Variants in SLC35F3 observed in about 807,000 individuals in gnomAD.
The protein encoded by SLC35F3 is solute carrier family 35 member F3.
SLC35F3 carries 25 observed loss-of-function variants against 49.9 expected under a neutral mutation model. The ratio of observed to expected loss-of-function variants is 0.50; its 90% CI spans 0.37 to 0.70. SLC35F3 has a LOEUF of 0.70. SLC35F3 is among the 30% of genes least tolerant of loss of function. The pLI is 0.00. For synonymous variants in SLC35F3, 275 were observed against 265.4 expected, an observed-to-expected ratio of 1.04 and a Z score of -0.35; for missense variants, 525 against 639.8, an observed-to-expected ratio of 0.82 and a Z score of 1.94.
rs535673445 is a variant in SLC35F3 at position 234,077,777 on chromosome 1, G to A, written c.284-153640G>A. Among the ~76,000 whole-genome samples, 145 of 150,648 alleles carry A rather than the reference G, an allele frequency of 9.6e-4. 1 individual carries two copies. The Middle Eastern group carries it at 0.045, about 47-fold the overall frequency. ...AAAATCTCACAGCACAGTGAACAGC[G>A]ACCCCTCTCAATTCACACAGTCTGC... On this transcript the variant is annotated intron_variant, in intron 2 of 7. Transcript: ENST00000366618.
intron 2 of SLC35F3, among the ~76,000 whole-genome samples, chr1:233,941,217 C>G (rs1662415319): frequency 6.6e-6 from 1 of 152,166 alleles, no homozygotes; most frequent in Admixed American, 6.6e-5. Context: ...CTCAGTCATT[C>G]TACTGGTATT....
chr1:234,313,584 T>A (rs1657411932), intron 4 of SLC35F3, among the ~76,000 whole-genome samples: 1 of 152,118 alleles, frequency 6.6e-6, no homozygotes, highest in Non-Finnish European at 1.5e-5. Flanking sequence ...GTTTCAGGAT[T>A]GTTCCGTGGG....
chr1:233,956,081 T>A (rs949898159), intron 2 of SLC35F3, among the ~76,000 whole-genome samples: 30 of 151,824 alleles, frequency 2.0e-4, no homozygotes, highest in Non-Finnish European at 2.9e-4. Context: ...GAAGACAGGG[T>A]TTCACCATGT....
At chr1:234,312,490 G>T (rs1440292734) in intron 4 of SLC35F3, among the ~76,000 whole-genome samples, 1 of 152,168 alleles carries the variant, frequency 6.6e-6, no homozygotes, top group Non-Finnish European at 1.5e-5. Context: ...ACAGTATCTG[G>T]TATCTGGTCC....
At chr1:234,032,966 G>A (rs1045700034) in intron 2 of SLC35F3, among the ~76,000 whole-genome samples, 1 of 151,880 alleles carries the variant, frequency 6.6e-6, no homozygotes, top group African/African-American at 2.4e-5. Context: ...AGTTATACTA[G>A]TTTATATTCC....
intron 2 of SLC35F3, among the ~76,000 whole-genome samples, chr1:234,059,941 C>T (rs1383596016): frequency 6.6e-6 from 1 of 152,202 alleles, no homozygotes; most frequent in African/African-American, 2.4e-5. Context: ...AAGGGTGGGT[C>T]TGCCTTCCCC....
chr1:233,922,348 A>T (rs1300178703), intron 2 of SLC35F3, among the ~76,000 whole-genome samples: 1 of 152,066 alleles, frequency 6.6e-6, no homozygotes, highest in Non-Finnish European at 1.5e-5. Flanking sequence ...CTGGTGTGAG[A>T]TGGTATCTCA....
intron 2 of SLC35F3, among the ~76,000 whole-genome samples, chr1:234,080,431 T>C (rs12736183): frequency 0.3 from 46,262 of 152,074 alleles, 7,223 homozygotes; most frequent in African/African-American, 0.33. Context: ...AAAACATGCA[T>C]ATGAATGTTC....
At chr1:234,207,417 TCTC>T (rs1558260474) in intron 2 of SLC35F3, among the ~76,000 whole-genome samples, 2 of 3,558 alleles carry the variant, frequency 5.6e-4, no homozygotes, top group African/African-American at 8.9e-4. Flanking sequence ...CTCCTTCCTT[TCTC>T]CCTCCCTCTT....
intron 3 of SLC35F3, among the ~76,000 whole-genome samples, chr1:234,281,081 TCC>T (rs111906874): frequency 2.0e-5 from 3 of 148,384 alleles, no homozygotes; most frequent in Non-Finnish European, 4.5e-5. Flanking sequence ...CTAAATTGTG[TCC>T]CCCCCCCATG....
intron 3 of SLC35F3, among the ~76,000 whole-genome samples, chr1:234,305,802 A>G (rs1311092626): frequency 6.6e-6 from 1 of 152,222 alleles, no homozygotes; most frequent in Non-Finnish European, 1.5e-5. Flanking sequence ...TAAACCGTGT[A>G]ATTGAAATAC....
chr1:234,234,357 C>T (rs1016040100), intron 3 of SLC35F3, among the ~76,000 whole-genome samples: 2 of 152,146 alleles, frequency 1.3e-5, no homozygotes, highest in Non-Finnish European at 1.5e-5. Context: ...TGAGCCGCTT[C>T]CCCAGGGTGA....
intron 2 of SLC35F3, among the ~76,000 whole-genome samples, chr1:234,129,491 C>T (rs1226189427): frequency 6.6e-6 from 1 of 152,144 alleles, no homozygotes; most frequent in Non-Finnish European, 1.5e-5. Flanking sequence ...GTTTGGAAGA[C>T]TCAACATTTA....
At chr1:234,188,545 C>T (rs1199232765) in intron 2 of SLC35F3, among the ~76,000 whole-genome samples, 4 of 152,122 alleles carry the variant, frequency 2.6e-5, no homozygotes, top group African/African-American at 9.7e-5. Flanking sequence ...CACAGCAAGC[C>T]CCTCCCAAGG....
intron 2 of SLC35F3, among the ~76,000 whole-genome samples, chr1:234,036,393 T>G (rs140792508): frequency 2.1e-4 from 32 of 152,286 alleles, no homozygotes; most frequent in African/African-American, 7.7e-4. Context: ...TGAGGGATAT[T>G]AGTGTACATA....
chr1:234,081,685 C>T (rs1664877821), intron 2 of SLC35F3, among the ~76,000 whole-genome samples: 1 of 151,922 alleles, frequency 6.6e-6, no homozygotes, highest in African/African-American at 2.4e-5. Context: ...TCCATCAAAG[C>T]TTGTGTGCCT....
intron 2 of SLC35F3, among the ~76,000 whole-genome samples, chr1:234,205,953 G>T (rs747538532): frequency 6.6e-6 from 1 of 152,110 alleles, no homozygotes; most frequent in Admixed American, 6.5e-5. Context: ...GGAGAAGAAG[G>T]CTATGTTGGG....
intron 2 of SLC35F3, among the ~76,000 whole-genome samples, chr1:233,984,490 A>C (rs78922701): frequency 0.017 from 2,663 of 152,334 alleles, 76 homozygotes; most frequent in African/African-American, 0.062. Context: ...GCCACGGGCA[A>C]AATTGCAAAT....
chr1:234,236,927 A>T (rs1329685945), intron 3 of SLC35F3, among the ~76,000 whole-genome samples: 23 of 16,938 alleles, frequency 1.4e-3, no homozygotes, highest in East Asian at 3.3e-3. Context: ...AAAAAAAATT[A>T]TATATATATA....
Sources: allele counts gnomAD v4.1 joint callset (sites outside exome capture counted in the v4.1 genomes callset), GRCh38; gene constraint gnomAD v4.1.1; transcripts MANE v1.5; gene names NCBI Gene and HGNC (gene_info 2026-07-23, HGNC 2026-07-21).